The following ENG variants were observed in gnomAD, a reference collection of about 807,000 sequenced individuals.
The protein encoded by ENG is endoglin.
In ENG, 17 loss-of-function variants were observed where a neutral mutation model predicts 71.0. The ratio of observed to expected loss-of-function variants is 0.24; its 90% CI spans 0.16 to 0.36. The LOEUF (loss-of-function observed/expected upper bound fraction) is 0.36, where lower values mean the gene tolerates loss of function less well. Ranked by LOEUF, ENG falls within the 10% of genes least tolerant of loss-of-function variation. The pLI is 1.00. For synonymous variants in ENG, 360 were observed against 366.9 expected (o/e 0.98, Z 0.21); for missense variants, 749 against 868.3 (o/e 0.86, Z 1.73).
chr9:127,824,902 G>C lies in ENG; in HGVS notation c.889C>G (p.Gln297Glu), dbSNP rs1830569895. ...IRGFKLPDTP[Q>E]GLLGEARMLN... Reference sequence around the variant, plus strand: ...ATCCGGGCCTCCCCCAGGAGGCCTTGAGGTGTGTCTGGGAGCTTGAAGCCA... The same window carrying C: ...ATCCGGGCCTCCCCCAGGAGGCCTTCAGGTGTGTCTGGGAGCTTGAAGCCA... The change falls in exon 7 of 15, where the codon CAA becomes GAA. Residue 297 changes from glutamine (Q) to glutamate (E), a missense_variant. Coordinates refer to ENST00000373203, the MANE Select transcript of ENG (RefSeq NM_001114753.3). The C allele has an allele frequency of 3.7e-6, 6 of 1,614,074 alleles. No homozygotes were observed. Among genetic ancestry groups the C allele is most frequent in the African/African-American group, 1.3e-5 (1 of 75,050 alleles).
At chr9:127,820,754 G>A (rs185168558) in intron 8 of ENG, among the ~76,000 whole-genome samples, 2,693 of 151,660 alleles carry the variant, frequency 0.018, 75 homozygotes, top group African/African-American at 0.06. Flanking sequence ...GCGTGAGCCC[G>A]GGAGGCGGAG....
Position 127,815,673 on chromosome 9 carries a change from G to T in ENG, c.*9C>A. ...GTCTCTCCTGCTGGGCGAGCGCGGG[G>T]GGCCGGGGCTATGCCATGCTGCTGG... On this transcript the variant is annotated 3_prime_UTR_variant, in exon 15 of 15. Transcript: ENST00000373203. 6.4e-7 allele frequency: 1 copy of T among 1,555,716 alleles called. No homozygotes were observed. Among genetic ancestry groups the T allele is most frequent in the Non-Finnish European group, 8.6e-7 (1 of 1,157,734 alleles).
rs1830711464 is a variant in ENG, at chr9:127,829,675, G to C, written c.360+12C>G. On this transcript the variant is annotated intron_variant, in intron 3 of 14. Transcript: ENST00000373203. The stretch of plus-strand genomic sequence containing the variant: ...CAGAGCCTCAGCCTGGGGTTGGAGG[G>C]AACACACTCACGTAGGCCAAGTGCA... The C allele has an allele frequency of 6.2e-7, 1 of 1,613,892 alleles. No individual in the cohort carries two copies. The highest frequency in any genetic ancestry group is 8.5e-7 in the Non-Finnish European group (1 of 1,179,926).
Position 127,815,534 on chromosome 9 carries a change from C to T in ENG, c.*148G>A. Reference sequence around the variant, plus strand: ...GCCAGTGGCTGCACTGGCAGCAGGCCTCTGAGAGGGAGGCGGGAAGGGTAG... The same window carrying T: ...GCCAGTGGCTGCACTGGCAGCAGGCTTCTGAGAGGGAGGCGGGAAGGGTAG... On this transcript the variant is annotated 3_prime_UTR_variant, in exon 15 of 15. Transcript: ENST00000373203. 1 of 1,420,536 alleles carries T rather than the reference C, an allele frequency of 7.0e-7. No individual in the cohort carries two copies. Among genetic ancestry groups the T allele is most frequent in the East Asian group, 2.5e-5 (1 of 39,996 alleles). 88.0% of individuals were successfully genotyped at this position (1,420,536 alleles called of 1,614,324 possible).
At chr9:127,835,111 G>A (rs377431641) in intron 2 of ENG, among the ~76,000 whole-genome samples, 20 of 151,906 alleles carry the variant, frequency 1.3e-4, no homozygotes, top group African/African-American at 2.9e-4. Flanking sequence ...TGATCCTCCC[G>A]CCTTAGCCTC....
At position 127,819,286 on chromosome 9, in the gene ENG, G is replaced by T. The variant is rs528786879; in HGVS notation, c.1311+336C>A. The T allele has an allele frequency of 1.4e-5, 5 of 357,298 alleles. 1 individual carries two copies. The highest frequency in any genetic ancestry group is 8.7e-4 in the Middle Eastern group (1 of 1,154). 22.1% of individuals were successfully genotyped at this position (357,298 alleles called of 1,614,324 possible). On this transcript the variant is annotated intron_variant, in intron 10 of 14. Transcript: ENST00000373203. Reference sequence around the variant, plus strand: ...TTTATCAAGGAGGCACCAGCTGCCAGGCTGTGTGAAGAGCTTCCACACAGC... The same window carrying T: ...TTTATCAAGGAGGCACCAGCTGCCATGCTGTGTGAAGAGCTTCCACACAGC...
At chr9:127,822,072 A>G (rs1267355836) in intron 8 of ENG, among the ~76,000 whole-genome samples, 3 of 152,044 alleles carry the variant, frequency 2.0e-5, no homozygotes. Flanking sequence ...AAAAGAAAAG[A>G]AAAACCACTG....
At chr9:127,854,260 C>G (rs776416386) in intron 1 of ENG, 29 bp downstream of exon 1, 4 of 1,564,226 alleles carry the variant, frequency 2.6e-6, no homozygotes, top group Non-Finnish European at 3.5e-6. Flanking sequence ...GAGGCCGAGT[C>G]TCCCCACCCT....
Position 127,854,312 on chromosome 9 carries a change from G to A in ENG, c.44C>T (p.Ala15Val). 6.3e-7 allele frequency: 1 copy of A among 1,594,708 alleles called. No individual in the cohort carries two copies. The highest frequency in any genetic ancestry group is 8.5e-7 in the Non-Finnish European group (1 of 1,171,350). Residue 15 changes from alanine (A) to valine (V), a missense_variant, in exon 1 of 15, where the codon GCC becomes GTC. By Grantham distance (64) the Ala-to-Val change is moderately conservative. Transcript: ENST00000373203. ...ACTTGTGGGGCTGAGGCTGCAGCTG[G>A]CCAGCAGCAGGGCAACAGCCAGAGG... ...TLPLAVALLLASCSLSPTSLA... is the reference protein window; with the variant it reads ...TLPLAVALLLVSCSLSPTSLA...
In ENG at chr9:127,824,848, C is replaced by T. The variant is rs763508329; in HGVS notation, c.943G>A (p.Val315Met). The T allele has an allele frequency of 8.7e-6, 14 of 1,603,512 alleles. No homozygotes were observed. The highest frequency in any genetic ancestry group is 1.3e-5 in the African/African-American group (1 of 74,558). Residue 315 changes from valine (V) to methionine (M), a missense_variant, in exon 7 of 15, where the codon GTG becomes ATG. Coordinates refer to ENST00000373203, the MANE Select transcript of ENG (RefSeq NM_001114753.3). Reference protein sequence around the residue: ...MLNASIVASFVELPLASIVSL... With the variant: ...MLNASIVASFMELPLASIVSL... Reference sequence around the variant, plus strand: ...ACAATGCTGGCCAGCGGTAGCTCCACGAAGGATGCCACAATGCTGGCATTG... The same window carrying T: ...ACAATGCTGGCCAGCGGTAGCTCCATGAAGGATGCCACAATGCTGGCATTG...
rs1216268545 is a variant in ENG, at chr9:127,836,168, A to T, written c.220-6341T>A. Reference sequence around the variant, plus strand: ...CTTCTCTCCCGGCCGGGGGCCCCAGAGGCAAAAAACGATGGCGCCAGCCTT... The same window carrying T: ...CTTCTCTCCCGGCCGGGGGCCCCAGTGGCAAAAAACGATGGCGCCAGCCTT... On this transcript the variant is annotated intron_variant, in intron 2 of 14. Transcript: ENST00000373203. The surrounding 1 kb of genome is among the most constrained non-coding windows in gnomAD (Gnocchi z 4.0). Among the ~76,000 whole-genome samples, 2 of 152,148 alleles carry T rather than the reference A, an allele frequency of 1.3e-5. No homozygotes were observed. Among genetic ancestry groups the T allele is most frequent in the Non-Finnish European group, 2.9e-5 (2 of 68,010 alleles).
intron 5 of ENG, 25 bp downstream of exon 5, chr9:127,825,670 G>A: frequency 3.3e-6 from 5 of 1,531,690 alleles, no homozygotes; most frequent in Non-Finnish European, 4.4e-6. Context: ...GGGGACTAGT[G>A]TCAGGGGCGG....
intron 12 of ENG, chr9:127,817,695 T>A (rs1830361046): frequency 2.8e-6 from 1 of 351,958 alleles, no homozygotes; most frequent in Non-Finnish European, 5.4e-6. Flanking sequence ...GATGGTGAAG[T>A]GTTGTGACTG....
chr9:127,829,904 A>C, intron 2 of ENG, 77 bp from the exon 3 acceptor site: 4 of 1,598,300 alleles, frequency 2.5e-6, no homozygotes, highest in Non-Finnish European at 3.4e-6. Flanking sequence ...GGCAGTGATG[A>C]TTTGGATGCT....
rs1428529909 is a variant in ENG, at chr9:127,817,194, T to C, written c.1696A>G (p.Arg566Gly). 5.0e-6 allele frequency: 8 copies of C among 1,614,034 alleles called. No individual in the cohort carries two copies. Among genetic ancestry groups the C allele is most frequent in the Non-Finnish European group, 5.9e-6 (7 of 1,180,016 alleles). The part of the protein sequence containing the change: ...KTGSQDQEVH[R>G]TVFMRLNIIS... The stretch of plus-strand genomic sequence containing the variant: ...ATGTTCAAGCGCATGAAGACAGTCC[T>C]ATGGACTTCCTGGAGGAGAAAGAGA... Residue 566 changes from arginine (R) to glycine (G), a missense_variant, in exon 13 of 15, where the codon AGG (arginine) becomes GGG (glycine). Arg to Gly is a moderately radical substitution (Grantham distance 125, BLOSUM62 -2). Coordinates refer to ENST00000373203, the MANE Select transcript of ENG (RefSeq NM_001114753.3).
chr9:127,826,609 G>A lies in ENG; in HGVS notation c.424C>T (p.Pro142Ser). 6.2e-7 allele frequency: 1 copy of A among 1,614,112 alleles called. No homozygotes were observed. Among genetic ancestry groups the A allele is most frequent in the Non-Finnish European group, 8.5e-7 (1 of 1,180,012 alleles). ...GVNTTELPSF[P>S]KTQILEWAAE... ...GCCCACTCAAGGATCTGGGTCTTGG[G>A]GAAGGATGGCAGCTCTGTGGTGTTG... Residue 142 changes from proline (P) to serine (S), a missense_variant, in exon 4 of 15, where the codon CCC becomes TCC. By Grantham distance (74) the Pro-to-Ser change is moderately conservative. Coordinates refer to ENST00000373203, the MANE Select transcript of ENG (RefSeq NM_001114753.3).
chr9:127,840,738 T>C (rs571404574), intron 2 of ENG, among the ~76,000 whole-genome samples: 3 of 152,300 alleles, frequency 2.0e-5, no homozygotes, highest in Non-Finnish European at 4.4e-5. Flanking sequence ...CAGATGTCTC[T>C]ACCACCTCCT....
chr9:127,816,225 C>T, intron 13 of ENG, 172 bp from the exon 14 acceptor site: 2 of 842,242 alleles, frequency 2.4e-6, no homozygotes, highest in Non-Finnish European at 1.9e-6. Context: ...CCAGGCCTGG[C>T]ATTGAGCCAT....
At chr9:127,834,043 T>G (rs564079067) in intron 2 of ENG, among the ~76,000 whole-genome samples, 1 of 152,318 alleles carries the variant, frequency 6.6e-6, no homozygotes, top group African/African-American at 2.4e-5. Flanking sequence ...CAATTTTTTT[T>G]TTCATTTTAG....
Sources: gnomAD v4.1 joint callset for allele counts (sites outside exome capture counted in the v4.1 genomes callset) on GRCh38, gnomAD v4.1.1 for gene constraint, Gnocchi (gnomAD v3.1) non-coding constraint, MANE v1.5 for transcripts, NCBI Gene and HGNC (gene_info 2026-07-23, HGNC 2026-07-21) for gene names.